The following SYNPR variants were observed in gnomAD, a reference collection of about 807,000 sequenced individuals.
The protein encoded by SYNPR is synaptoporin.
SYNPR carries 23 observed loss-of-function variants against 32.9 expected under a neutral mutation model. The ratio of observed to expected loss-of-function variants is 0.70; its 90% CI spans 0.50 to 0.99. The LOEUF (loss-of-function observed/expected upper bound fraction) is 0.99. Ranked by LOEUF, SYNPR falls within the 50% of genes least tolerant of loss-of-function variation. SYNPR has a pLI of 0.00. For missense variants in SYNPR, 318 were observed against 349.3 expected, an observed-to-expected ratio of 0.91 and a Z score of 0.71; for synonymous variants, 146 against 135.9, an observed-to-expected ratio of 1.07 and a Z score of -0.52.
intron 3 of SYNPR, among the ~76,000 whole-genome samples, chr3:63,541,680 A>G (rs17069004): frequency 0.096 from 14,584 of 152,178 alleles, 752 homozygotes; most frequent in Admixed American, 0.12. Flanking sequence ...TTTAGTTCAT[A>G]TTCCTCGGCT....
chr3:63,452,395 GT>G (rs750309910), intron 2 of SYNPR, among the ~76,000 whole-genome samples: 298 of 152,274 alleles, frequency 2.0e-3, no homozygotes, highest in Non-Finnish European at 3.0e-3. Flanking sequence ...GGATCCAAGT[GT>G]TTTATGCATA....
At chr3:63,262,788 C>A (rs1401567452) in intron 2 of SYNPR, among the ~76,000 whole-genome samples, 1 of 152,196 alleles carries the variant, frequency 6.6e-6, no homozygotes, top group Admixed American at 6.5e-5. Context: ...AGGTTCACTA[C>A]AAATGATATG....
chr3:63,402,361 C>A (rs191339586), intron 2 of SYNPR, among the ~76,000 whole-genome samples: 20 of 152,196 alleles, frequency 1.3e-4, no homozygotes, highest in Non-Finnish European at 2.5e-4. Context: ...GAATCTCCCC[C>A]AGTTGAGAAC....
intron 2 of SYNPR, among the ~76,000 whole-genome samples, chr3:63,446,909 T>TA (rs1019504003): frequency 4.6e-5 from 7 of 152,000 alleles, no homozygotes; most frequent in South Asian, 2.1e-4. Flanking sequence ...CCCAGTTAGT[T>TA]AAAAAAAGTT....
chr3:63,271,803 T>C (rs145425079), intron 3 of SYNPR, among the ~76,000 whole-genome samples: 36 of 152,172 alleles, frequency 2.4e-4, no homozygotes, highest in African/African-American at 7.9e-4. Context: ...ATAGCATCTA[T>C]ATATATCTAT....
the SYNPR span, among the ~76,000 whole-genome samples, chr3:63,203,036 TTATAAA>T: frequency 2.5e-4 from 29 of 117,440 alleles, no homozygotes; most frequent in Non-Finnish European, 3.8e-4. Context: ...CAATTTTTAA[TTATAAA>T]TATAAATACA....
At chr3:63,206,253 A>AG in the SYNPR span, among the ~76,000 whole-genome samples, 5 of 152,140 alleles carry the variant, frequency 3.3e-5, no homozygotes, top group Non-Finnish European at 5.9e-5. Context: ...TTACCAGTTT[A>AG]GGGGGGGAAA....
chr3:63,248,359 A>G (rs2086306843), intron 1 of SYNPR, among the ~76,000 whole-genome samples: 1 of 152,098 alleles, frequency 6.6e-6, no homozygotes, highest in African/African-American at 2.4e-5. Context: ...ATTGTGATGA[A>G]GATACGGGTG....
At chr3:63,447,475 G>A (rs961176151) in intron 2 of SYNPR, among the ~76,000 whole-genome samples, 2 of 152,148 alleles carry the variant, frequency 1.3e-5, no homozygotes, top group Non-Finnish European at 2.9e-5. Flanking sequence ...CACATAATTA[G>A]TTTTGGACTA....
At chr3:63,527,995 A>T (rs922282927) in intron 3 of SYNPR, among the ~76,000 whole-genome samples, 5 of 151,964 alleles carry the variant, frequency 3.3e-5, no homozygotes, top group Non-Finnish European at 4.4e-5. Flanking sequence ...AGAGAAATGA[A>T]CCTGTCTTCC....
At chr3:63,348,031 G>A (rs1216971967) in intron 2 of SYNPR, among the ~76,000 whole-genome samples, 1 of 152,000 alleles carries the variant, frequency 6.6e-6, no homozygotes, top group Non-Finnish European at 1.5e-5. Context: ...TCTGAGTACA[G>A]GTATCTTTTT....
intron 1 of SYNPR, among the ~76,000 whole-genome samples, chr3:63,232,899 A>C (rs2086176885): frequency 1.3e-5 from 2 of 152,236 alleles, no homozygotes; most frequent in South Asian, 4.1e-4. Context: ...TCCATGTTTT[A>C]AAAAATCGTA....
At chr3:63,610,374 T>C (rs1700182343) in intron 5 of SYNPR, 5 of 493,968 alleles carry the variant, frequency 1.0e-5, no homozygotes, top group Admixed American at 3.2e-5. Flanking sequence ...GCAGCGGTTA[T>C]CGAAGAATAG....
At chr3:63,210,931 C>G in the SYNPR span, among the ~76,000 whole-genome samples, 1 of 150,948 alleles carries the variant, frequency 6.6e-6, no homozygotes, top group Non-Finnish European at 1.5e-5. Flanking sequence ...TACCTGACAC[C>G]TTCACACATC....
intron 2 of SYNPR, among the ~76,000 whole-genome samples, chr3:63,308,271 C>T (rs1170318052): frequency 6.6e-6 from 1 of 151,988 alleles, no homozygotes; most frequent in African/African-American, 2.4e-5. Flanking sequence ...ACGTCATCAA[C>T]ACAAAATATC....
chr3:63,366,399 G>A (rs535367308), intron 2 of SYNPR, among the ~76,000 whole-genome samples: 1 of 152,154 alleles, frequency 6.6e-6, no homozygotes, highest in South Asian at 2.1e-4. Flanking sequence ...TGTTATGTAA[G>A]GAAAAAGGCC....
chr3:63,325,735 A>C (rs541448785), intron 2 of SYNPR, among the ~76,000 whole-genome samples: 11 of 150,126 alleles, frequency 7.3e-5, no homozygotes, highest in Non-Finnish European at 1.2e-4. Flanking sequence ...CTGTCCTCCC[A>C]TCATTCTCGG....
chr3:63,320,460 A>C (rs2087099324), intron 2 of SYNPR, among the ~76,000 whole-genome samples: 2 of 152,054 alleles, frequency 1.3e-5, no homozygotes, highest in Admixed American at 1.3e-4. Context: ...TCAGTTTTTT[A>C]GTGGAACATT....
At chr3:63,439,876 A>G (rs1015969756) in intron 2 of SYNPR, among the ~76,000 whole-genome samples, 1 of 152,174 alleles carries the variant, frequency 6.6e-6, no homozygotes, top group African/African-American at 2.4e-5. Context: ...AAGTTGATTC[A>G]CTGATTTCAT....
Sources: allele counts gnomAD v4.1 joint callset (sites outside exome capture counted in the v4.1 genomes callset), GRCh38; gene constraint gnomAD v4.1.1; transcripts MANE v1.5; gene names NCBI Gene and HGNC (gene_info 2026-07-23, HGNC 2026-07-21).